PIK3R6: variants seen among roughly 807,000 people sequenced by gnomAD.
The protein encoded by PIK3R6 is phosphoinositide-3-kinase regulatory subunit 6.
A neutral mutation model predicts 84.9 loss-of-function variants in PIK3R6; 91 were observed. The observed-to-expected ratio is 1.07, with a 90% CI of 0.90 to 1.28. The LOEUF is 1.28. Among genes scored for constraint, PIK3R6 ranks in the 50% most tolerant of loss-of-function variants. The pLI is 0.00. For synonymous variants in PIK3R6, 416 were observed against 411.4 expected, an observed-to-expected ratio of 1.01 and a Z score of -0.13; for missense variants, 996 against 985.1, an observed-to-expected ratio of 1.01 and a Z score of -0.15.
At chr17:8,819,308 C>A (rs559409505) in intron 17 of PIK3R6, 110 bp from the exon 18 acceptor site, 7 of 701,280 alleles carry the variant, frequency 1.0e-5, no homozygotes, top group African/African-American at 9.0e-5. Context: ...AGCCCTGTCA[C>A]TCCTCCTTGG....
At position 8,867,565 on chromosome 17, in the gene PIK3R6, T is replaced by C; in HGVS notation, c.-128A>G. The C allele has an allele frequency of 2.0e-6, 1 of 506,828 alleles. No homozygotes were observed. Among genetic ancestry groups the C allele is most frequent in the South Asian group, 1.4e-5 (1 of 69,868 alleles). The allele number at this position is 506,828 out of a possible 1,614,324, so 31.4% of individuals were successfully genotyped here. On this transcript the variant is annotated 5_prime_UTR_variant, in exon 1 of 20. Transcript: ENST00000619866. ...GGCAGCTTCTGGGCTCCCCAAGTCC[T>C]TCAGCCAACTCCCCACGGTCCTGAG...
At chr17:8,837,009 T>G in intron 5 of PIK3R6, 86 bp from the exon 6 acceptor site, 48 of 899,692 alleles carry the variant, frequency 5.3e-5, no homozygotes, top group Non-Finnish European at 6.1e-5. Context: ...CGGGGGAGTT[T>G]CCGGGGAGGG....
intron 18 of PIK3R6, among the ~76,000 whole-genome samples, chr17:8,809,857 G>A (rs1380161598): frequency 6.6e-6 from 1 of 152,102 alleles, no homozygotes; most frequent in African/African-American, 2.4e-5. Context: ...ACAAGTAGGA[G>A]TAGCTATACT....
intron 13 of PIK3R6, among the ~76,000 whole-genome samples, chr17:8,824,759 G>A (rs2087864059): frequency 6.6e-6 from 1 of 152,132 alleles, no homozygotes; most frequent in Non-Finnish European, 1.5e-5. Context: ...CAAGTTTCAA[G>A]GAAAAAGTAT....
chr17:8,852,738 C>CAAA (rs34620144), intron 1 of PIK3R6, among the ~76,000 whole-genome samples: 3,139 of 101,770 alleles, frequency 0.031, 114 homozygotes, highest in African/African-American at 0.1. Flanking sequence ...GACTCTGTCT[C>CAAA]AAAAAAAAAA....
chr17:8,841,124 T>C (rs1343695684), intron 2 of PIK3R6, among the ~76,000 whole-genome samples: 1 of 152,190 alleles, frequency 6.6e-6, no homozygotes, highest in African/African-American at 2.4e-5. Flanking sequence ...TATTTATTTT[T>C]TTGAAGCCTA....
Position 8,828,552 on chromosome 17 carries a change from A to C in PIK3R6, c.1313+15T>G. 6.2e-7 allele frequency: 1 copy of C among 1,609,420 alleles called. No homozygotes were observed. The highest frequency in any genetic ancestry group is 1.1e-5 in the South Asian group (1 of 90,690). On this transcript the variant is annotated intron_variant, in intron 11 of 19. Coordinates refer to ENST00000619866, the MANE Select transcript of PIK3R6 (RefSeq NM_001010855.4). ...TGACCAGCGCCCACCCCCAGCCCCC[A>C]CGTCGGGGCCCCACCTGAGTCTGTG... is the stretch of plus-strand genomic sequence containing the variant.
At chr17:8,856,654 C>T (rs1486324214) in intron 1 of PIK3R6, among the ~76,000 whole-genome samples, 1 of 152,080 alleles carries the variant, frequency 6.6e-6, no homozygotes, top group Non-Finnish European at 1.5e-5. Flanking sequence ...CATTTTATTC[C>T]GATTTCCCCA....
At position 8,844,098 on chromosome 17, in the gene PIK3R6, A is replaced by G. The variant is rs1213527285; in HGVS notation, c.14-4401T>C. 1.3e-5 allele frequency among the ~76,000 whole-genome samples: 2 copies of G among 152,198 alleles called. No individual in the cohort carries two copies. The highest frequency in any genetic ancestry group is 2.9e-5 in the Non-Finnish European group (2 of 68,034). On this transcript the variant is annotated intron_variant, in intron 2 of 19. Coordinates refer to ENST00000619866, the MANE Select transcript of PIK3R6 (RefSeq NM_001010855.4). The surrounding 1 kb of genome is among the most constrained non-coding windows in gnomAD (Gnocchi z 4.5). ...GGACAAAGCTTACCAGTGGCGGCAA[A>G]GGTCAGATGAAGGCCGCTAAGCACT...
intron 2 of PIK3R6, among the ~76,000 whole-genome samples, chr17:8,840,230 G>A (rs1217130002): frequency 7.0e-6 from 1 of 143,440 alleles, no homozygotes; most frequent in Non-Finnish European, 1.5e-5. Context: ...AATATATACA[G>A]CCTACAAATA....
At chr17:8,819,447 G>A (rs1471429064) in intron 17 of PIK3R6, among the ~76,000 whole-genome samples, 4 of 151,666 alleles carry the variant, frequency 2.6e-5, no homozygotes, top group Middle Eastern at 3.4e-3. Context: ...ACCCAAATCC[G>A]CACGCCCTAC....
rs745421607 is a variant in PIK3R6 at position 8,803,391 on chromosome 17, G to T, written c.2147C>A (p.Ala716Asp). The T allele has an allele frequency of 1.2e-6, 2 of 1,612,880 alleles. No individual in the cohort carries two copies. The highest frequency in any genetic ancestry group is 2.7e-5 in the African/African-American group (2 of 74,886). ...GAGCCACGGTGCCTTGGACTTCTGG[G>T]CCCCAGAACATGGTTCTGGGCAGGG... ...VAPCPEPCSG[A>D]QKSKAPWLNL... is the part of the protein sequence containing the mutation. The change falls in exon 20 of 20, where the codon GCC (alanine) becomes GAC (aspartate). Residue 716 changes from alanine to aspartate, a missense_variant. By Grantham distance (126) the Ala-to-Asp change is moderately radical (BLOSUM62 -2). Coordinates refer to ENST00000619866, the MANE Select transcript of PIK3R6 (RefSeq NM_001010855.4). This position sits in a 1 kb window ranked among gnomAD's most constrained non-coding sequence, Gnocchi z 5.0.
chr17:8,823,361 C>T, intron 14 of PIK3R6, 26 bp downstream of exon 14: 1 of 1,527,796 alleles, frequency 6.5e-7, no homozygotes, highest in Non-Finnish European at 9.0e-7. Flanking sequence ...CCTGGGGTCC[C>T]TTGGAGCCTC....
chr17:8,804,478 C>T (rs1441325836), intron 18 of PIK3R6, among the ~76,000 whole-genome samples: 1 of 152,140 alleles, frequency 6.6e-6, no homozygotes, highest in Non-Finnish European at 1.5e-5. Context: ...TTTCCGAGCA[C>T]CTCCTCTATG....
At chr17:8,845,589 TA>T (rs1328097726) in intron 2 of PIK3R6, among the ~76,000 whole-genome samples, 2 of 152,206 alleles carry the variant, frequency 1.3e-5, no homozygotes, top group Admixed American at 6.5e-5. Flanking sequence ...ACTTTGTGAA[TA>T]TTTTCTCCCA....
At chr17:8,810,797 C>T (rs2087335664) in intron 18 of PIK3R6, among the ~76,000 whole-genome samples, 2 of 148,786 alleles carry the variant, frequency 1.3e-5, no homozygotes, top group Non-Finnish European at 2.9e-5. Context: ...ACAGCTCTGC[C>T]CCTATGGCTT....
chr17:8,846,476 GT>G (rs1423445285), intron 2 of PIK3R6, among the ~76,000 whole-genome samples: 1 of 152,002 alleles, frequency 6.6e-6, no homozygotes, highest in African/African-American at 2.4e-5. Context: ...TTTTAGAATA[GT>G]TTTTTTCTAG....
intron 18 of PIK3R6, among the ~76,000 whole-genome samples, chr17:8,816,438 A>G (rs558983696): frequency 1.2e-4 from 19 of 152,234 alleles, no homozygotes; most frequent in Non-Finnish European, 2.5e-4. Flanking sequence ...GTCTTTAGAC[A>G]TATATAATGT....
intron 13 of PIK3R6, 26 bp from the exon 14 acceptor site, chr17:8,823,523 C>T: frequency 6.6e-7 from 1 of 1,504,020 alleles, no homozygotes; most frequent in Non-Finnish European, 9.2e-7. Context: ...GGAATGTCTT[C>T]ACCAACTCCC....
Sources: allele counts gnomAD v4.1 joint callset (sites outside exome capture counted in the v4.1 genomes callset), GRCh38; gene constraint gnomAD v4.1.1; non-coding constraint Gnocchi (gnomAD v3.1); transcripts MANE v1.5; gene names NCBI Gene and HGNC (gene_info 2026-07-23, HGNC 2026-07-21).